Variants in IFT140 observed in about 807,000 individuals in gnomAD.
IFT140 encodes intraflagellar transport 140.
IFT140 carries 133 observed loss-of-function variants against 164.6 expected under a neutral mutation model. That is an observed-to-expected ratio of 0.81 (90% confidence interval 0.70 to 0.93). The LOEUF (loss-of-function observed/expected upper bound fraction) is 0.93. Ranked by LOEUF, IFT140 falls within the 40% of genes least tolerant of loss-of-function variation. IFT140 has a pLI of 0.00. For missense variants in IFT140, 2,045 were observed against 1,972.3 expected, an observed-to-expected ratio of 1.04 and a Z score of -0.70; for synonymous variants, 860 against 817.3, an observed-to-expected ratio of 1.05 and a Z score of -0.89.
At chr16:1,562,696 C>T (rs567037772) in intron 17 of IFT140, among the ~76,000 whole-genome samples, 35 of 152,094 alleles carry the variant, frequency 2.3e-4, no homozygotes, top group African/African-American at 7.0e-4. Flanking sequence ...CGCTTGAACC[C>T]GGGAGGCAGA....
chr16:1,520,862 G>C (rs1311103643), intron 26 of IFT140, 54 bp from the exon 27 acceptor site: 1 of 1,513,954 alleles, frequency 6.6e-7, no homozygotes, highest in East Asian at 2.3e-5. Context: ...GAACTGAAGT[G>C]CGCCCCTCAT....
rs748523056 is a variant in IFT140, at chr16:1,519,880, C to T, written c.4040+1G>A. 3.3e-6 allele frequency: 5 copies of T among 1,534,448 alleles called. No homozygotes were observed. The highest frequency in any genetic ancestry group is 1.3e-5 in the South Asian group (1 of 78,342). Reference sequence around the variant, plus strand: ...TGTCCCCGCTGGCCCCGGGGGCACACCTGCGGGCCTGGATGAACCTCTTCA... The same window carrying T: ...TGTCCCCGCTGGCCCCGGGGGCACATCTGCGGGCCTGGATGAACCTCTTCA... On this transcript the variant is annotated splice_donor_variant, in intron 29 of 30. Coordinates refer to ENST00000426508, the MANE Select transcript of IFT140 (RefSeq NM_014714.4). LOFTEE classifies it high-confidence loss of function.
chr16:1,519,761 T>C (rs2040462923), intron 29 of IFT140, 120 bp downstream of exon 29: 5 of 930,588 alleles, frequency 5.4e-6, no homozygotes, highest in Non-Finnish European at 7.6e-6. Context: ...GCAGTAGTGC[T>C]GTCCCAAGTG....
chr16:1,579,444 T>TGGAGGCTCACCCTC (rs2034441402), intron 13 of IFT140: 1 of 152,226 alleles, frequency 6.6e-6, no homozygotes, highest in Non-Finnish European at 1.5e-5. Context: ...GTGGAAGAGC[T>TGGAGGCTCACCCTC]GGAGGCTCAC....
intron 19 of IFT140, chr16:1,555,204 T>C: frequency 1.3e-6 from 1 of 798,718 alleles, no homozygotes; most frequent in South Asian, 1.9e-5. Flanking sequence ...CGGTCATATG[T>C]CTGTACGTGT....
intron 26 of IFT140, among the ~76,000 whole-genome samples, chr16:1,523,078 A>T (rs2040569041): frequency 6.6e-6 from 1 of 151,988 alleles, no homozygotes; most frequent in African/African-American, 2.4e-5. Context: ...TTAAAAAATT[A>T]GCTGGGGATG....
At position 1,553,934 on chromosome 16, in the gene IFT140, G is replaced by A. The variant is rs1261303589; in HGVS notation, c.2399+4001C>T. On this transcript the variant is annotated intron_variant, in intron 19 of 30. Transcript: ENST00000426508. This position sits in a 1 kb window ranked among gnomAD's most constrained non-coding sequence, Gnocchi z 4.4. ...AAAAAGGTCTTTGGAGCTCCTCAAA[G>A]ATAAAACTGTAAGTGAAACTGTAGC... 2 of 1,285,944 alleles carry A rather than the reference G, an allele frequency of 1.6e-6. No homozygotes were observed. Among genetic ancestry groups the A allele is most frequent in the Admixed American group, 4.6e-5 (2 of 43,486 alleles). 79.7% of individuals were successfully genotyped at this position (1,285,944 alleles called of 1,614,324 possible).
chr16:1,516,710 C>T (rs1377013851), intron 30 of IFT140, among the ~76,000 whole-genome samples: 1 of 143,614 alleles, frequency 7.0e-6, no homozygotes, highest in Non-Finnish European at 1.5e-5. Context: ...GCAGAGCTTG[C>T]AGTGAGCCGA....
At chr16:1,585,122 C>T (rs1314808462) in intron 10 of IFT140, among the ~76,000 whole-genome samples, 1 of 152,202 alleles carries the variant, frequency 6.6e-6, no homozygotes, top group Non-Finnish European at 1.5e-5. Flanking sequence ...ATTAAAACAT[C>T]CTCACACAAA....
At chr16:1,557,000 G>C (rs1480857872) in intron 19 of IFT140, among the ~76,000 whole-genome samples, 1 of 151,876 alleles carries the variant, frequency 6.6e-6, no homozygotes, top group Non-Finnish European at 1.5e-5. Flanking sequence ...TAGTAGAGAT[G>C]GGGGGGCGGT....
At chr16:1,572,124 T>C (rs2034050902) in intron 13 of IFT140, among the ~76,000 whole-genome samples, 1 of 152,154 alleles carries the variant, frequency 6.6e-6, no homozygotes, top group African/African-American at 2.4e-5. Context: ...CCACTCTTTC[T>C]AAGTGTGTGG....
At chr16:1,546,210 C>T (rs1419821684) in intron 19 of IFT140, among the ~76,000 whole-genome samples, 1 of 152,246 alleles carries the variant, frequency 6.6e-6, no homozygotes, top group East Asian at 1.9e-4. Context: ...TGGCTGCAGC[C>T]ACAGCATGAC....
chr16:1,526,040 T>C lies in IFT140; in HGVS notation c.2615A>G (p.His872Arg). The C allele has an allele frequency of 6.2e-7, 1 of 1,600,494 alleles. No homozygotes were observed. The highest frequency in any genetic ancestry group is 8.5e-7 in the Non-Finnish European group (1 of 1,173,910). ...AEQLYRKCKR[H>R]DLLNKFYQAA... ...CTGGTAGAACTTGTTCAGGAGGTCGTGGCGCTTGCACTTCCTGTACAGCTG... is the reference window on the plus strand; with the variant it reads ...CTGGTAGAACTTGTTCAGGAGGTCGCGGCGCTTGCACTTCCTGTACAGCTG... The change falls in exon 21 of 31, where the codon CAC becomes CGC. Residue 872 changes from histidine to arginine, a missense_variant. His to Arg is a conservative substitution (Grantham distance 29). Transcript: ENST00000426508.
At chr16:1,541,874 T>C (rs2031677599) in intron 19 of IFT140, 1 of 1,511,916 alleles carries the variant, frequency 6.6e-7, no homozygotes, top group African/African-American at 1.4e-5. Context: ...GCGTGGCCTC[T>C]GGAGCCCACC....
rs1474757236 is a variant in IFT140 at position 1,551,209 on chromosome 16, C to T, written c.2399+6726G>A. Among the ~76,000 whole-genome samples the T allele has an allele frequency of 1.3e-5, 2 of 152,244 alleles. No homozygotes were observed. The highest frequency in any genetic ancestry group is 4.8e-5 in the African/African-American group (2 of 41,468). On this transcript the variant is annotated intron_variant, in intron 19 of 30. Transcript: ENST00000426508. This position sits in a 1 kb window ranked among gnomAD's most constrained non-coding sequence, Gnocchi z 4.0. ...TGGTCAATGGTGGGGCAAGTTCTGGCCCCGGGGAGCCTGCCCTGTGGCGGG... is the reference window on the plus strand; with the variant it reads ...TGGTCAATGGTGGGGCAAGTTCTGGTCCCGGGGAGCCTGCCCTGTGGCGGG...
intron 4 of IFT140, among the ~76,000 whole-genome samples, chr16:1,596,504 G>A (rs969933227): frequency 3.3e-5 from 5 of 152,210 alleles, no homozygotes; most frequent in Non-Finnish European, 5.9e-5. Context: ...CTGCTCTGGG[G>A]GAAGAGGTTG....
chr16:1,562,215 G>C, intron 17 of IFT140, 99 bp from the exon 18 acceptor site: 1 of 1,077,548 alleles, frequency 9.3e-7, no homozygotes, highest in Non-Finnish European at 1.3e-6. Context: ...CGTCACGGTG[G>C]GGTCGTTGCT....
chr16:1,511,825 CA>C (rs2040168093), intron 30 of IFT140, among the ~76,000 whole-genome samples: 1 of 149,884 alleles, frequency 6.7e-6, no homozygotes, highest in Admixed American at 6.6e-5. Flanking sequence ...GTGCTGGGGA[CA>C]CAGGGGACAC....
intron 11 of IFT140, among the ~76,000 whole-genome samples, chr16:1,583,994 C>CA (rs1490114338): frequency 6.6e-6 from 1 of 152,212 alleles, no homozygotes; most frequent in Non-Finnish European, 1.5e-5. Context: ...CTCAGCCTCC[C>CA]AAAGCGCTGG....
Sources: allele counts gnomAD v4.1 joint callset (sites outside exome capture counted in the v4.1 genomes callset), GRCh38; gene constraint gnomAD v4.1.1; non-coding constraint Gnocchi (gnomAD v3.1); transcripts MANE v1.5; gene names NCBI Gene and HGNC (gene_info 2026-07-23, HGNC 2026-07-21).